The following CDC14A variants were observed in gnomAD, a reference collection of about 807,000 sequenced individuals.
CDC14A encodes the protein dual specificity protein phosphatase CDC14A.
CDC14A carries 53 observed loss-of-function variants against 74.4 expected under a neutral mutation model. The ratio of observed to expected loss-of-function variants is 0.71; its 90% confidence interval spans 0.57 to 0.89. CDC14A has a LOEUF of 0.89. CDC14A is among the 40% of genes least tolerant of loss of function. CDC14A has a pLI of 0.00. For synonymous variants in CDC14A, 247 were observed against 258.4 expected (o/e 0.96, Z 0.43); for missense variants, 646 against 713.7 (o/e 0.91, Z 1.08).
At chr1:100,403,212 G>A (rs1659508441) in intron 4 of CDC14A, among the ~76,000 whole-genome samples, 1 of 152,092 alleles carries the variant, frequency 6.6e-6, no homozygotes, top group Non-Finnish European at 1.5e-5. Context: ...ATACACACAC[G>A]CCATTCACAT....
intron 11 of CDC14A, chr1:100,485,316 G>A (rs776987229): frequency 2.1e-5 from 21 of 984,580 alleles, no homozygotes; most frequent in Middle Eastern, 5.2e-4. Context: ...TTTCTACCAC[G>A]TTATACCTGA....
chr1:100,367,584 G>T (rs1330804780), intron 2 of CDC14A, among the ~76,000 whole-genome samples: 3 of 152,162 alleles, frequency 2.0e-5, no homozygotes, highest in Non-Finnish European at 4.4e-5. Flanking sequence ...TCTTACAAGT[G>T]TAAGTATTGT....
intron 10 of CDC14A, among the ~76,000 whole-genome samples, chr1:100,470,465 A>G (rs569947463): frequency 6.6e-6 from 1 of 152,184 alleles, no homozygotes; most frequent in East Asian, 1.9e-4. Context: ...AGAAAAAAAA[A>G]CTTAGAACTA....
intron 3 of CDC14A, among the ~76,000 whole-genome samples, chr1:100,378,398 C>G (rs1218504079): frequency 6.6e-6 from 1 of 152,170 alleles, no homozygotes; most frequent in Non-Finnish European, 1.5e-5. Flanking sequence ...ATACAGAGGA[C>G]TCTTAAGGAT....
At chr1:100,384,548 T>C (rs553993833) in intron 3 of CDC14A, among the ~76,000 whole-genome samples, 2 of 152,206 alleles carry the variant, frequency 1.3e-5, no homozygotes, top group Non-Finnish European at 2.9e-5. Flanking sequence ...AGTGGGTTTC[T>C]TCTCCCCTTG....
Position 100,424,272 on chromosome 1 carries a change from T to A in CDC14A, c.360T>A (p.Ser120=), listed in dbSNP as rs774479036. Residue 120 remains serine (S), a synonymous_variant, in exon 5 of 16, where the codon TCT becomes TCA. Coordinates refer to ENST00000336454, the MANE Select transcript of CDC14A (RefSeq NM_003672.4). ...AAGAAGCCTACAGAGCACTCCTGTC[T>A]GGCTCAAACCCCCCCTATCTTCCAT... ...TPEEAYRALL[S]GSNPPYLPFR... 2 of 1,613,592 alleles carry A rather than the reference T, an allele frequency of 1.2e-6. No homozygotes were observed. The highest frequency in any genetic ancestry group is 1.7e-6 in the Non-Finnish European group (2 of 1,179,538).
At chr1:100,373,767 C>A (rs901539482) in intron 2 of CDC14A, among the ~76,000 whole-genome samples, 3 of 151,880 alleles carry the variant, frequency 2.0e-5, no homozygotes, top group Admixed American at 6.6e-5. Flanking sequence ...GAGTCTAGAA[C>A]TTTTATTTCA....
intron 3 of CDC14A, among the ~76,000 whole-genome samples, chr1:100,378,577 TG>T (rs1256552203): frequency 6.6e-6 from 1 of 152,218 alleles, no homozygotes; most frequent in Admixed American, 6.5e-5. Context: ...GAGAATTTCC[TG>T]TAGAATATGT....
intron 2 of CDC14A, among the ~76,000 whole-genome samples, chr1:100,368,312 A>C (rs76842430): frequency 5.9e-5 from 9 of 152,232 alleles, no homozygotes; most frequent in African/African-American, 2.2e-4. Context: ...ATTTAAATTT[A>C]AATAGCCATG....
chr1:100,420,082 A>ATATATATATATATGTGT (rs58124351), intron 4 of CDC14A, among the ~76,000 whole-genome samples: 3 of 105,526 alleles, frequency 2.8e-5, no homozygotes, highest in African/African-American at 1.0e-4. Context: ...ATATATATAT[A>ATATATATATATATGTGT]GTGTGTATGT....
intron 4 of CDC14A, chr1:100,394,047 C>T: frequency 4.1e-6 from 1 of 244,436 alleles, no homozygotes; most frequent in South Asian, 5.2e-5. Flanking sequence ...TCAGGTTTGC[C>T]CTACTCTTCT....
At chr1:100,491,542 C>CTA (rs1670633217) in intron 11 of CDC14A, among the ~76,000 whole-genome samples, 6 of 40,972 alleles carry the variant, frequency 1.5e-4, no homozygotes, top group South Asian at 9.3e-4. Flanking sequence ...CTCTCTCTCT[C>CTA]TCTCTCTATA....
chr1:100,422,043 C>T (rs547827650), intron 4 of CDC14A, among the ~76,000 whole-genome samples: 6 of 152,320 alleles, frequency 3.9e-5, no homozygotes, highest in Admixed American at 1.3e-4. Flanking sequence ...AAAGGTCAAC[C>T]TGTAAAAGAT....
In CDC14A at chr1:100,443,536, T is replaced by A. The variant is rs535523153; in HGVS notation, c.519+540T>A. ...TTTTTTTAAAGACAGGATTTCACCATGTTGCCCAGGCTGGTCTTGAACTCC... is the reference window on the plus strand; with the variant it reads ...TTTTTTTAAAGACAGGATTTCACCAAGTTGCCCAGGCTGGTCTTGAACTCC... On this transcript the variant is annotated intron_variant, in intron 7 of 15. Transcript: ENST00000336454. 4.6e-5 allele frequency among the ~76,000 whole-genome samples: 7 copies of A among 152,004 alleles called. No individual in the cohort carries two copies. The South Asian group carries it at 1.5e-3, about 32-fold the overall frequency.
At chr1:100,360,230 G>C (rs1039731848) in intron 2 of CDC14A, among the ~76,000 whole-genome samples, 5 of 151,526 alleles carry the variant, frequency 3.3e-5, no homozygotes, top group Non-Finnish European at 5.9e-5. Flanking sequence ...AGGATTACAG[G>C]CATGAGCCAC....
At chr1:100,415,309 C>G (rs1161814426) in intron 4 of CDC14A, among the ~76,000 whole-genome samples, 8 of 152,098 alleles carry the variant, frequency 5.3e-5, no homozygotes, top group African/African-American at 1.9e-4. Flanking sequence ...TGTTAAATCC[C>G]AGCTTCAAAT....
intron 3 of CDC14A, among the ~76,000 whole-genome samples, chr1:100,384,323 G>A (rs1443211630): frequency 1.8e-4 from 27 of 152,074 alleles, no homozygotes; most frequent in Admixed American, 1.8e-3. Flanking sequence ...ATTTCTATAG[G>A]TTTGATTATG....
intron 10 of CDC14A, among the ~76,000 whole-genome samples, chr1:100,482,151 T>A (rs1669547604): frequency 6.6e-6 from 1 of 152,230 alleles, no homozygotes; most frequent in Admixed American, 6.5e-5. Flanking sequence ...ATCTTTAAGT[T>A]GGCAGCAGCA....
chr1:100,514,436 A>AT (rs1173466637), intron 15 of CDC14A, among the ~76,000 whole-genome samples: 8 of 152,060 alleles, frequency 5.3e-5, no homozygotes, highest in Admixed American at 5.2e-4. Context: ...TTTTTTAATA[A>AT]TTTTTTTTAT....
Sources: gnomAD v4.1 joint callset for allele counts (sites outside exome capture counted in the v4.1 genomes callset) on GRCh38, gnomAD v4.1.1 for gene constraint, MANE v1.5 for transcripts, NCBI Gene and HGNC (gene_info 2026-07-23, HGNC 2026-07-21) for gene names.